The following ELP3 variants were observed in gnomAD, a reference collection of about 807,000 sequenced individuals.
ELP3 encodes the protein elongator complex protein 3.
In ELP3, 56 loss-of-function variants were observed where a neutral mutation model predicts 74.9. The observed-to-expected ratio is 0.75, with a 90% CI of 0.60 to 0.93. ELP3 has a LOEUF of 0.93. Ranked by LOEUF, ELP3 falls within the 40% of genes least tolerant of loss-of-function variation. The pLI is 0.00. For missense variants in ELP3, 573 were observed against 686.5 expected (o/e 0.83, Z 1.85); for synonymous variants, 222 against 239.8 (o/e 0.93, Z 0.68).
chr8:28,164,085 T>C (rs1417979412), intron 14 of ELP3, among the ~76,000 whole-genome samples: 1 of 152,188 alleles, frequency 6.6e-6, no homozygotes, highest in Non-Finnish European at 1.5e-5. Flanking sequence ...CCTAATCAAA[T>C]TTAAAATGGA....
rs75368262 is a variant in ELP3, at chr8:28,188,930, C to T, written c.1568-719C>T. On this transcript the variant is annotated intron_variant, in intron 14 of 14. Transcript: ENST00000256398. The stretch of plus-strand genomic sequence containing the variant: ...GCTCAGAACTGGGGGGCCTTGCGCT[C>T]ATCAGAGTAGGTAGGGTCCAAATTG... 7.9e-3 allele frequency among the ~76,000 whole-genome samples: 1,198 copies of T among 152,202 alleles called. 15 individuals carry two copies. The highest frequency in any genetic ancestry group is 0.027 in the African/African-American group (1,113 of 41,526).
intron 14 of ELP3, among the ~76,000 whole-genome samples, chr8:28,189,157 A>G (rs1192716281): frequency 1.3e-5 from 2 of 152,356 alleles, no homozygotes; most frequent in East Asian, 1.9e-4. Context: ...CAGTAGCCAC[A>G]AGTGTACCTT....
chr8:28,168,746 A>G (rs1563285230), intron 14 of ELP3, among the ~76,000 whole-genome samples: 1 of 152,222 alleles, frequency 6.6e-6, no homozygotes, highest in Non-Finnish European at 1.5e-5. Context: ...TATCAATGTA[A>G]CTTGAATATG....
At chr8:28,175,149 T>G (rs1814691602) in intron 14 of ELP3, among the ~76,000 whole-genome samples, 1 of 152,212 alleles carries the variant, frequency 6.6e-6, no homozygotes, top group Admixed American at 6.5e-5. Context: ...TGGAATTTGC[T>G]GAGCTTCTTG....
intron 10 of ELP3, among the ~76,000 whole-genome samples, chr8:28,141,800 G>A (rs1045243841): frequency 7.9e-5 from 12 of 152,128 alleles, no homozygotes; most frequent in Non-Finnish European, 1.6e-4. Context: ...AGAAAAAGAC[G>A]ATTTGCATGT....
upstream of ELP3, among the ~76,000 whole-genome samples, chr8:28,090,698 T>C (rs900623267): frequency 6.6e-6 from 1 of 151,614 alleles, no homozygotes; most frequent in Non-Finnish European, 1.5e-5. Flanking sequence ...AGCATTGATG[T>C]GGGGTCAGGG....
intron 3 of ELP3, among the ~76,000 whole-genome samples, chr8:28,101,040 T>A (rs1041348254): frequency 3.9e-4 from 60 of 152,188 alleles, no homozygotes; most frequent in African/African-American, 1.4e-3. Flanking sequence ...CTAAAATTTT[T>A]ACATACAATG....
In ELP3 at chr8:28,099,945, A is replaced by G. The variant is rs1563245746; in HGVS notation, c.237A>G (p.Lys79=). The G allele has an allele frequency of 6.2e-7, 1 of 1,614,162 alleles. No individual in the cohort carries two copies. The highest frequency in any genetic ancestry group is 1.7e-5 in the Admixed American group (1 of 60,026). ...RKVLMPKLKA[K]PIRTASGIAV... is the part of the protein sequence containing the mutation. ...TCTTGATGCCCAAGTTAAAGGCGAA[A>G]CCCATCAGAACTGCTAGTGGGGTGA... is the stretch of plus-strand genomic sequence containing the variant. Residue 79 remains lysine, a synonymous_variant, in exon 3 of 15, where the codon AAA becomes AAG. Coordinates refer to ENST00000256398, the MANE Select transcript of ELP3 (RefSeq NM_018091.6).
intron 7 of ELP3, among the ~76,000 whole-genome samples, chr8:28,128,454 C>T (rs1288652948): frequency 1.3e-5 from 2 of 151,790 alleles, no homozygotes; most frequent in African/African-American, 4.8e-5. Context: ...ACAGCCTGGG[C>T]AACACAGTGA....
intron 4 of ELP3, 61 bp downstream of exon 4, chr8:28,106,844 C>G: frequency 7.7e-7 from 1 of 1,294,768 alleles, no homozygotes; most frequent in Non-Finnish European, 1.1e-6. Flanking sequence ...TATGCCCCCT[C>G]TAGCCCTTAG....
At chr8:28,164,286 G>T (rs990960182) in intron 14 of ELP3, among the ~76,000 whole-genome samples, 1 of 152,130 alleles carries the variant, frequency 6.6e-6, no homozygotes, top group African/African-American at 2.4e-5. Context: ...ATCAGCATCT[G>T]CCCTCTTTCT....
In ELP3 at chr8:28,129,785, T is replaced by C. The variant is rs1812722710; in HGVS notation, c.779+122T>C. 3.7e-6 allele frequency: 4 copies of C among 1,094,628 alleles called. No homozygotes were observed. In the South Asian group the frequency reaches 6.0e-5, roughly 16 times the overall value. The allele number at this position is 1,094,628 out of a possible 1,614,324, so 67.8% of individuals were successfully genotyped here. On this transcript the variant is annotated intron_variant, in intron 8 of 14. Coordinates refer to ENST00000256398, the MANE Select transcript of ELP3 (RefSeq NM_018091.6). ...GGGAAAGAAGTATGGGTATTCCTCC[T>C]TTTCAGAGTTCTTTCTTCTGTCTGT...
chr8:28,161,393 G>A (rs188581562), intron 13 of ELP3, among the ~76,000 whole-genome samples: 64 of 152,184 alleles, frequency 4.2e-4, no homozygotes, highest in Non-Finnish European at 7.5e-4. Flanking sequence ...GGCCAACCTG[G>A]TGAAACCCTG....
intron 8 of ELP3, among the ~76,000 whole-genome samples, chr8:28,131,868 C>T (rs530599413): frequency 4.6e-5 from 7 of 152,202 alleles, no homozygotes; most frequent in Non-Finnish European, 1.0e-4. Flanking sequence ...TAGCAGCTTG[C>T]TGCTTCTGCA....
chr8:28,132,408 A>C lies in ELP3; in HGVS notation c.906+4A>C. ...AAGAGACATTGAACAGTTCACAGTA[A>C]GTGTGACTTCAGCCAGGCGCATTCA... On this transcript the variant is annotated splice_donor_region_variant and intron_variant, in intron 9 of 14. Coordinates refer to ENST00000256398, the MANE Select transcript of ELP3 (RefSeq NM_018091.6). The C allele has an allele frequency of 6.2e-7, 1 of 1,614,056 alleles. No individual in the cohort carries two copies. Among genetic ancestry groups the C allele is most frequent in the Non-Finnish European group, 8.5e-7 (1 of 1,179,934 alleles).
At chr8:28,090,976 G>A (rs906800473), upstream of ELP3, among the ~76,000 whole-genome samples, 2 of 146,656 alleles carry the variant, frequency 1.4e-5, no homozygotes, top group Non-Finnish European at 3.0e-5. Flanking sequence ...GTGCAATCTC[G>A]GCTCACTGCA....
At chr8:28,122,846 C>T (rs1039878053) in intron 7 of ELP3, among the ~76,000 whole-genome samples, 1 of 152,170 alleles carries the variant, frequency 6.6e-6, no homozygotes, top group Non-Finnish European at 1.5e-5. Flanking sequence ...AAAGCTTGGC[C>T]AGGCGCAATG....
At chr8:28,168,745 A>G (rs868017935) in intron 14 of ELP3, among the ~76,000 whole-genome samples, 1 of 152,244 alleles carries the variant, frequency 6.6e-6, no homozygotes, top group Non-Finnish European at 1.5e-5. Flanking sequence ...TTATCAATGT[A>G]ACTTGAATAT....
Position 28,163,120 on chromosome 8 carries a change from G to T in ELP3, c.1567+1042G>T, listed in dbSNP as rs116612544. 4.7e-3 allele frequency among the ~76,000 whole-genome samples: 714 copies of T among 152,274 alleles called. 5 individuals are homozygous for T. Among genetic ancestry groups the T allele is most frequent in the African/African-American group, 0.014 (601 of 41,542 alleles). ...GTCACTGGGGAAGTGGGCATGAAAAGGAAAATTCAGTACAGCATGTGTGAG... is the reference window on the plus strand; with the variant it reads ...GTCACTGGGGAAGTGGGCATGAAAATGAAAATTCAGTACAGCATGTGTGAG... On this transcript the variant is annotated intron_variant, in intron 14 of 14. Transcript: ENST00000256398.
Sources: allele counts gnomAD v4.1 joint callset (sites outside exome capture counted in the v4.1 genomes callset), GRCh38; gene constraint gnomAD v4.1.1; transcripts MANE v1.5; gene names NCBI Gene and HGNC (gene_info 2026-07-23, HGNC 2026-07-21).